CPVL: variants seen among roughly 807,000 people sequenced by gnomAD.
CPVL encodes carboxypeptidase vitellogenic like.
In CPVL, 51 loss-of-function variants were observed where a neutral mutation model predicts 63.7. The ratio of observed to expected loss-of-function variants is 0.80; its 90% CI spans 0.64 to 1.01. The LOEUF (loss-of-function observed/expected upper bound fraction) is 1.01, where lower values mean the gene tolerates loss of function less well. CPVL is among the 50% of genes least tolerant of loss of function. CPVL has a pLI of 0.00. For synonymous variants in CPVL, 195 were observed against 206.0 expected (o/e 0.95, Z 0.46); for missense variants, 530 against 573.1 (o/e 0.92, Z 0.77).
intron 3 of CPVL, among the ~76,000 whole-genome samples, chr7:29,106,515 G>C (rs954193579): frequency 6.6e-6 from 1 of 151,992 alleles, no homozygotes; most frequent in African/African-American, 2.4e-5. Flanking sequence ...AAAAGCCAAA[G>C]GCAGGACATA....
intron 11 of CPVL, among the ~76,000 whole-genome samples, chr7:29,061,532 A>T (rs1224670442): frequency 2.0e-5 from 3 of 152,296 alleles, no homozygotes; most frequent in Non-Finnish European, 2.9e-5. Flanking sequence ...ATGCAGGATC[A>T]CCTCTAATCA....
intron 3 of CPVL, among the ~76,000 whole-genome samples, chr7:29,103,506 G>T (rs1031600697): frequency 4.6e-5 from 7 of 151,432 alleles, no homozygotes; most frequent in African/African-American, 1.7e-4. Context: ...GCCTGCCTCG[G>T]CCTCCCAAAG....
chr7:29,142,105 G>A (rs972419040), intron 1 of CPVL, among the ~76,000 whole-genome samples: 4 of 152,186 alleles, frequency 2.6e-5, no homozygotes, highest in Admixed American at 2.6e-4. Context: ...CCCAGAATGG[G>A]AAAAGGAAAG....
At chr7:29,155,426 A>G (rs1476757526) in intron 5 of CPVL, among the ~76,000 whole-genome samples, 2 of 152,242 alleles carry the variant, frequency 1.3e-5, no homozygotes, top group African/African-American at 4.8e-5. Flanking sequence ...TGTATCACAC[A>G]TGAGGTCATT....
chr7:29,164,779 C>CA (rs55742522), intron 5 of CPVL, among the ~76,000 whole-genome samples: 10,274 of 85,706 alleles, frequency 0.12, 618 homozygotes, highest in Non-Finnish European at 0.15. Context: ...AGACCTGTCT[C>CA]AAAAAAAAAA....
At chr7:29,110,764 C>T (rs1283796123) in intron 3 of CPVL, among the ~76,000 whole-genome samples, 26 of 152,238 alleles carry the variant, frequency 1.7e-4, no homozygotes, top group Admixed American at 1.7e-3. Flanking sequence ...TGCTAATCAA[C>T]TGGCCTTAAA....
chr7:29,096,334 A>G (rs1786398254), intron 3 of CPVL, 117 bp from the exon 4 acceptor site: 1 of 774,176 alleles, frequency 1.3e-6, no homozygotes, highest in African/African-American at 1.7e-5. Context: ...TAAATCCTAC[A>G]AAACCTCCCC....
At chr7:29,169,164 C>G (rs1325360067) in intron 5 of CPVL, among the ~76,000 whole-genome samples, 1 of 151,974 alleles carries the variant, frequency 6.6e-6, no homozygotes, top group African/African-American at 2.4e-5. Context: ...TCTAGGTGGT[C>G]TATGCATTGT....
intron 3 of CPVL, among the ~76,000 whole-genome samples, chr7:29,097,162 C>G (rs1021965897): frequency 6.6e-5 from 10 of 152,138 alleles, no homozygotes; most frequent in Admixed American, 2.0e-4. Context: ...GAGACATAAA[C>G]TAGAAAAGGG....
At chr7:29,138,377 T>C (rs964925739) in intron 1 of CPVL, among the ~76,000 whole-genome samples, 6 of 152,104 alleles carry the variant, frequency 3.9e-5, no homozygotes, top group Admixed American at 2.6e-4. Flanking sequence ...GAGGCAGAGG[T>C]TGCAGTGATC....
intron 1 of CPVL, among the ~76,000 whole-genome samples, chr7:29,124,524 A>G (rs1263519811): frequency 6.6e-6 from 1 of 152,154 alleles, no homozygotes; most frequent in East Asian, 1.9e-4. Flanking sequence ...GTTGAAAATC[A>G]TGTGTCCAAT....
intron 3 of CPVL, among the ~76,000 whole-genome samples, chr7:29,096,999 A>AG: frequency 6.6e-6 from 1 of 151,512 alleles, no homozygotes; most frequent in Non-Finnish European, 1.5e-5. Flanking sequence ...AAAAAAAAAA[A>AG]AAAAAAAAAA....
intron 1 of CPVL, among the ~76,000 whole-genome samples, chr7:29,134,271 C>G (rs150370306): frequency 1.0e-3 from 154 of 152,312 alleles, no homozygotes; most frequent in African/African-American, 3.6e-3. Context: ...AGAACCTACA[C>G]ATAATGACAT....
At chr7:29,160,208 A>G (rs1326873233) in intron 5 of CPVL, among the ~76,000 whole-genome samples, 4 of 152,198 alleles carry the variant, frequency 2.6e-5, no homozygotes, top group Non-Finnish European at 4.4e-5. Flanking sequence ...GATCTAAAAT[A>G]TGTACTGGCC....
intron 5 of CPVL, among the ~76,000 whole-genome samples, chr7:29,152,431 A>G (rs1356697271): frequency 6.6e-6 from 1 of 152,128 alleles, no homozygotes; most frequent in Non-Finnish European, 1.5e-5. Flanking sequence ...TTCCTGGCTA[A>G]ATCTTTCTTG....
intron 4 of CPVL, 63 bp downstream of exon 4, chr7:29,096,040 T>C (rs1347147833): frequency 1.7e-5 from 22 of 1,281,290 alleles, no homozygotes; most frequent in Admixed American, 1.2e-4. Flanking sequence ...TAAATTAGTT[T>C]TGGAGCAGGT....
In CPVL at chr7:29,173,088, G is replaced by A. The variant is rs1347585795; in HGVS notation, c.-11+8202C>T. On this transcript the variant is annotated intron_variant, in intron 5 of 16. Transcript: ENST00000409850. Reference sequence around the variant, plus strand: ...AGAGGTTGCAGTGAGCTGAGATTGCGCCAATGTACTCCAGCCTGGGTGACA... The same window carrying A: ...AGAGGTTGCAGTGAGCTGAGATTGCACCAATGTACTCCAGCCTGGGTGACA... Among the ~76,000 whole-genome samples, 8 of 148,952 alleles carry A rather than the reference G, an allele frequency of 5.4e-5. No individual in the cohort carries two copies. The South Asian group carries it at 1.1e-3, about 20-fold the overall frequency.
chr7:29,168,013 TG>T (rs1437951965), intron 5 of CPVL, among the ~76,000 whole-genome samples: 20 of 152,238 alleles, frequency 1.3e-4, no homozygotes, highest in African/African-American at 4.3e-4. Context: ...AGTTCCCAGA[TG>T]ACCTAAACTG....
At chr7:29,157,913 T>TGAAAG (rs1156636742) in intron 5 of CPVL, among the ~76,000 whole-genome samples, 1 of 152,146 alleles carries the variant, frequency 6.6e-6, no homozygotes, top group African/African-American at 2.4e-5. Context: ...TCCTTTCATT[T>TGAAAG]TACTCTTCCT....
Sources: allele counts gnomAD v4.1 joint callset (sites outside exome capture counted in the v4.1 genomes callset), GRCh38; gene constraint gnomAD v4.1.1; transcripts MANE v1.5; gene names NCBI Gene and HGNC (gene_info 2026-07-23, HGNC 2026-07-21).